The following AGBL3 variants were observed in gnomAD, a reference collection of about 807,000 sequenced individuals.
AGBL3 encodes AGBL carboxypeptidase 3, also known as cytosolic carboxypeptidase 3.
AGBL3 carries 68 observed loss-of-function variants against 94.5 expected under a neutral mutation model. That is an observed-to-expected ratio of 0.72 (90% CI 0.59 to 0.88). The LOEUF (loss-of-function observed/expected upper bound fraction) is 0.88, where lower values mean the gene tolerates loss of function less well. Among genes scored for constraint, AGBL3 ranks in the 40% least tolerant of loss-of-function variants. The pLI is 0.00. For synonymous variants in AGBL3, 354 were observed against 370.7 expected (o/e 0.95, Z 0.52); for missense variants, 934 against 1,103.8 (o/e 0.85, Z 2.18).
At chr7:135,037,045 A>C (rs1011159015) in intron 7 of AGBL3, among the ~76,000 whole-genome samples, 4 of 151,988 alleles carry the variant, frequency 2.6e-5, no homozygotes, top group African/African-American at 9.7e-5. Flanking sequence ...TCAGCCTCCC[A>C]AGCAGCTGGG....
intron 4 of AGBL3, among the ~76,000 whole-genome samples, chr7:135,007,483 C>T (rs1812539603): frequency 2.6e-5 from 4 of 151,682 alleles, no homozygotes; most frequent in Admixed American, 2.6e-4. Context: ...AATCCTACAC[C>T]CTTTCATGAC....
chr7:135,011,706 T>C (rs1199894829), intron 4 of AGBL3: 2 of 152,198 alleles, frequency 1.3e-5, no homozygotes, highest in Non-Finnish European at 2.9e-5. Context: ...TGCTATTCCC[T>C]GATTGTTAAT....
intron 4 of AGBL3, among the ~76,000 whole-genome samples, chr7:135,008,329 T>A (rs1222113980): frequency 6.6e-6 from 1 of 152,164 alleles, no homozygotes; most frequent in African/African-American, 2.4e-5. Flanking sequence ...AATAAGCCCA[T>A]GTGTCTGTGG....
At chr7:135,046,222 G>C (rs1417843467) in intron 11 of AGBL3, among the ~76,000 whole-genome samples, 1 of 152,040 alleles carries the variant, frequency 6.6e-6, no homozygotes, top group African/African-American at 2.4e-5. Flanking sequence ...TTTTAGAGCA[G>C]TTTTAGATTC....
intron 16 of AGBL3, chr7:135,129,360 C>G (rs10266706): frequency 0.51 from 479,597 of 947,146 alleles, 125,548 homozygotes; most frequent in South Asian, 0.66. Context: ...AAATGAATAC[C>G]TGCAAGCAGA....
rs1292033663 is a variant in AGBL3, at chr7:135,128,470, G to A, written c.2343-6371G>A. On this transcript the variant is annotated intron_variant, in intron 16 of 16. Transcript: ENST00000436302. ...GTCAGAAGACCAAGAAGCTCAAGAG[G>A]ATGAATTGCTGGCCCCAGTGAGTAT... 5 of 749,742 alleles carry A rather than the reference G, an allele frequency of 6.7e-6. No individual in the cohort carries two copies. In the African/African-American group the frequency reaches 6.9e-5, roughly 10 times the overall value. 46.4% of individuals were successfully genotyped at this position (749,742 alleles called of 1,614,324 possible). A position where few individuals can be genotyped will look rare whatever the true frequency, so the allele number is the denominator to read the frequency against.
At chr7:135,017,810 G>T (rs1813977429) in intron 5 of AGBL3, among the ~76,000 whole-genome samples, 1 of 152,116 alleles carries the variant, frequency 6.6e-6, no homozygotes, top group Non-Finnish European at 1.5e-5. Flanking sequence ...TCCCTGTACA[G>T]TAAGCAATTC....
In AGBL3 at chr7:135,073,860, C is replaced by T. The variant is rs374564352; in HGVS notation, c.1909-2537C>T. Among the ~76,000 whole-genome samples the T allele has an allele frequency of 1.7e-4, 26 of 152,200 alleles. No individual in the cohort carries two copies. The South Asian group carries it at 4.2e-3, about 24-fold the overall frequency. ...ATCTTTAACTACCAGGCCCAGGGTG[C>T]GGCGCCAGGCTGTTTGCTTGTGGAT... On this transcript the variant is annotated intron_variant, in intron 12 of 16. Coordinates refer to ENST00000436302, the MANE Select transcript of AGBL3 (RefSeq NM_178563.4).
intron 15 of AGBL3, among the ~76,000 whole-genome samples, chr7:135,102,503 C>T (rs1473913464): frequency 6.6e-6 from 1 of 152,118 alleles, no homozygotes; most frequent in Non-Finnish European, 1.5e-5. Context: ...AAAATATGCA[C>T]CACACTTACT....
intron 15 of AGBL3, among the ~76,000 whole-genome samples, chr7:135,088,679 C>T (rs1450336474): frequency 6.6e-6 from 1 of 152,036 alleles, no homozygotes; most frequent in Non-Finnish European, 1.5e-5. Flanking sequence ...TTTCATTCTG[C>T]ACTTTGAATT....
chr7:135,130,803 T>C (rs1023656873), intron 16 of AGBL3, among the ~76,000 whole-genome samples: 4 of 152,202 alleles, frequency 2.6e-5, no homozygotes, highest in Non-Finnish European at 4.4e-5. Flanking sequence ...TACTCTTTTT[T>C]TGCAACAGCA....
chr7:135,117,440 A>T (rs535174317), intron 16 of AGBL3, among the ~76,000 whole-genome samples: 1 of 152,240 alleles, frequency 6.6e-6, no homozygotes, highest in Non-Finnish European at 1.5e-5. Flanking sequence ...CTTACAGCAC[A>T]TTAACTAGTT....
intron 11 of AGBL3, 95 bp from the exon 12 acceptor site, chr7:135,059,074 C>T: frequency 9.8e-7 from 1 of 1,019,854 alleles, no homozygotes; most frequent in African/African-American, 1.6e-5. Flanking sequence ...ATAATTAGAA[C>T]TTTTCAACCA....
intron 12 of AGBL3, among the ~76,000 whole-genome samples, chr7:135,063,195 C>T (rs145821529): frequency 1.2e-3 from 182 of 152,060 alleles, no homozygotes; most frequent in Admixed American, 3.1e-3. Context: ...TCTGTGGTGT[C>T]GGTTATAATG....
chr7:135,095,060 T>C (rs1044580067), intron 15 of AGBL3, among the ~76,000 whole-genome samples: 1 of 152,192 alleles, frequency 6.6e-6, no homozygotes, highest in Admixed American at 6.5e-5. Flanking sequence ...GAGTCACTCA[T>C]GTTAAGCCTG....
intron 16 of AGBL3, among the ~76,000 whole-genome samples, chr7:135,118,754 C>T (rs1393895722): frequency 6.6e-6 from 1 of 151,556 alleles, no homozygotes; most frequent in African/African-American, 2.4e-5. Context: ...TAAAATGCTT[C>T]AAAAAACACT....
intron 4 of AGBL3, among the ~76,000 whole-genome samples, chr7:135,015,577 T>C (rs1259034544): frequency 2.0e-5 from 2 of 99,662 alleles, no homozygotes; most frequent in East Asian, 3.2e-4. Flanking sequence ...TTGTCGCTTA[T>C]ATACAAGTTC....
Position 135,089,234 on chromosome 7 carries a change from A to C in AGBL3, c.2110+7444A>C, listed in dbSNP as rs577661192. Among the ~76,000 whole-genome samples the C allele has an allele frequency of 2.0e-3, 297 of 152,050 alleles. 2 individuals carry two copies. The highest frequency in any genetic ancestry group is 6.7e-3 in the African/African-American group (276 of 41,468). On this transcript the variant is annotated intron_variant, in intron 15 of 16. Transcript: ENST00000436302. ...TTTTTATTATATCTATTTATGTTGA[A>C]TTTCTTATTCACATTATGAACTGTT...
chr7:135,048,581 T>C (rs1817588421), intron 11 of AGBL3, among the ~76,000 whole-genome samples: 1 of 151,958 alleles, frequency 6.6e-6, no homozygotes, highest in South Asian at 2.1e-4. Context: ...TTTATTCCTA[T>C]TTTATTCTTT....
Sources: allele counts gnomAD v4.1 joint callset (sites outside exome capture counted in the v4.1 genomes callset), GRCh38; gene constraint gnomAD v4.1.1; transcripts MANE v1.5; gene names NCBI Gene and HGNC (gene_info 2026-07-23, HGNC 2026-07-21).